LATS2: variants seen among roughly 807,000 people sequenced by gnomAD.
The protein encoded by LATS2 is serine/threonine-protein kinase LATS2.
LATS2 carries 24 observed loss-of-function variants against 76.0 expected under a neutral mutation model. The ratio of observed to expected loss-of-function variants is 0.32; its 90% confidence interval spans 0.23 to 0.44. The LOEUF is 0.44. Ranked by LOEUF, LATS2 falls within the 20% of genes least tolerant of loss-of-function variation. LATS2 has a pLI of 1.00. For synonymous variants in LATS2, 692 were observed against 635.4 expected, an observed-to-expected ratio of 1.09 and a Z score of -1.34; for missense variants, 1,286 against 1,481.2, an observed-to-expected ratio of 0.87 and a Z score of 2.16.
intron 1 of LATS2, among the ~76,000 whole-genome samples, chr13:21,047,976 CAATAT>C (rs1043105564): frequency 6.6e-6 from 1 of 152,118 alleles, no homozygotes; most frequent in African/African-American, 2.4e-5. Flanking sequence ...TTTTAATACA[CAATAT>C]AATATAGTAA....
rs1870300202 is a variant in LATS2, at chr13:20,988,467, G to A, written c.1313C>T (p.Ala438Val). 1 of 1,535,852 alleles carries A rather than the reference G, an allele frequency of 6.5e-7. No individual in the cohort carries two copies. The highest frequency in any genetic ancestry group is 1.2e-5 in the South Asian group (1 of 84,252). Reference sequence around the variant, plus strand: ...GCTCTTCACCGGGTGCAAGATGTGCGCGGCCGTGACAGCCGTCACGGTGTT... The same window carrying A: ...GCTCTTCACCGGGTGCAAGATGTGCACGGCCGTGACAGCCGTCACGGTGTT... ...APNTVTAVTA[A>V]HILHPVKSVR... The change falls in exon 4 of 8, where the codon GCG becomes GTG. Residue 438 changes from alanine (A) to valine (V), a missense_variant. Ala to Val is a moderately conservative substitution (Grantham distance 64, BLOSUM62 0). Coordinates refer to ENST00000382592, the MANE Select transcript of LATS2 (RefSeq NM_014572.3).
intron 1 of LATS2, among the ~76,000 whole-genome samples, chr13:21,060,795 T>G (rs2138424875): frequency 6.6e-6 from 1 of 151,038 alleles, no homozygotes; most frequent in East Asian, 2.0e-4. Flanking sequence ...GATTGGCCCG[T>G]GGGACGATGG....
chr13:21,013,920 A>C (rs1871694958), intron 2 of LATS2, among the ~76,000 whole-genome samples: 1 of 152,010 alleles, frequency 6.6e-6, no homozygotes, highest in Non-Finnish European at 1.5e-5. Flanking sequence ...GCAGTGAGCT[A>C]TGATTGCACC....
intron 2 of LATS2, among the ~76,000 whole-genome samples, chr13:21,036,630 C>T (rs975608885): frequency 3.1e-4 from 47 of 151,834 alleles, no homozygotes; most frequent in African/African-American, 8.9e-4. Context: ...AAAATTAGCC[C>T]GGCATGGTGG....
chr13:21,050,322 A>G (rs544395911), intron 1 of LATS2, among the ~76,000 whole-genome samples: 101 of 151,990 alleles, frequency 6.6e-4, no homozygotes, highest in African/African-American at 2.1e-3. Flanking sequence ...TCTTGTAAAT[A>G]GCATCCAAAT....
intron 6 of LATS2, among the ~76,000 whole-genome samples, chr13:20,980,438 C>T (rs1170695982): frequency 2.6e-5 from 4 of 152,182 alleles, no homozygotes; most frequent in South Asian, 2.1e-4. Context: ...AAGCCAGGAT[C>T]GTCTTCATGT....
intron 2 of LATS2, among the ~76,000 whole-genome samples, chr13:21,042,003 A>G (rs1293189748): frequency 1.3e-5 from 2 of 152,208 alleles, no homozygotes; most frequent in African/African-American, 4.8e-5. Context: ...TTTAAATGCA[A>G]ACTTAAATGA....
At chr13:20,984,712 G>A (rs1044253167) in intron 4 of LATS2, among the ~76,000 whole-genome samples, 2 of 152,104 alleles carry the variant, frequency 1.3e-5, no homozygotes, top group African/African-American at 2.4e-5. Context: ...CATGTTCACC[G>A]ACAGAAAGAT....
chr13:21,036,559 G>C (rs985220398), intron 2 of LATS2, among the ~76,000 whole-genome samples: 5 of 152,092 alleles, frequency 3.3e-5, no homozygotes, highest in Admixed American at 3.3e-4. Context: ...CAGATCACGA[G>C]GTCAGGAGTT....
At chr13:20,979,442 G>C (rs919601312) in intron 7 of LATS2, among the ~76,000 whole-genome samples, 1 of 152,104 alleles carries the variant, frequency 6.6e-6, no homozygotes, top group Non-Finnish European at 1.5e-5. Context: ...CAAGGTGGCA[G>C]ATGGCCAAGG....
intron 2 of LATS2, among the ~76,000 whole-genome samples, chr13:21,026,742 GC>G (rs1872324385): frequency 6.6e-6 from 1 of 152,154 alleles, no homozygotes; most frequent in African/African-American, 2.4e-5. Flanking sequence ...GATTGTTTGA[GC>G]CCAGGAGATG....
intron 2 of LATS2, among the ~76,000 whole-genome samples, chr13:21,008,286 C>T (rs1276317555): frequency 1.3e-5 from 2 of 152,000 alleles, no homozygotes; most frequent in African/African-American, 2.4e-5. Flanking sequence ...CCCCTGCTCT[C>T]ACAGGACCTC....
intron 2 of LATS2, among the ~76,000 whole-genome samples, chr13:21,027,433 T>C (rs1361692330): frequency 6.6e-6 from 1 of 152,232 alleles, no homozygotes; most frequent in African/African-American, 2.4e-5. Context: ...GACTATCCAA[T>C]TGTCTCAGCA....
At chr13:21,033,380 G>A (rs1048172904) in intron 2 of LATS2, among the ~76,000 whole-genome samples, 2 of 151,984 alleles carry the variant, frequency 1.3e-5, no homozygotes, top group Non-Finnish European at 2.9e-5. Flanking sequence ...CTGCTGACTT[G>A]GTTTCTCTTT....
chr13:20,983,976 G>A (rs1870028658), intron 4 of LATS2, among the ~76,000 whole-genome samples, 170 bp from the exon 5 acceptor site: 1 of 152,204 alleles, frequency 6.6e-6, no homozygotes, highest in South Asian at 2.1e-4. Context: ...TGTCGCCTAG[G>A]CTGGAGTGCA....
At chr13:21,015,995 G>C (rs1204391181) in intron 2 of LATS2, among the ~76,000 whole-genome samples, 1 of 144,612 alleles carries the variant, frequency 6.9e-6, no homozygotes, top group Non-Finnish European at 1.5e-5. Flanking sequence ...CACCACGCTT[G>C]GCCTATTTTT....
intron 2 of LATS2, among the ~76,000 whole-genome samples, chr13:20,993,978 T>C (rs1371815146): frequency 2.6e-5 from 4 of 152,224 alleles, no homozygotes; most frequent in Non-Finnish European, 4.4e-5. Context: ...CTCTGTCTCC[T>C]GCAGGGTGAA....
intron 6 of LATS2, among the ~76,000 whole-genome samples, chr13:20,980,250 A>C (rs1869810319): frequency 6.6e-6 from 1 of 151,784 alleles, no homozygotes; most frequent in African/African-American, 2.4e-5. Context: ...GGTGGGCAAA[A>C]CCCACCGGAC....
Position 21,002,766 on chromosome 13 carries a change from C to A in LATS2, c.343-11362G>T, listed in dbSNP as rs535475110. On this transcript the variant is annotated intron_variant, in intron 2 of 7. Transcript: ENST00000382592. ...GAAGTACAGTGGTGCAATCAAAGCTCACTCCAGCCTCTAACTCCTGGGCTC... is the reference window on the plus strand; with the variant it reads ...GAAGTACAGTGGTGCAATCAAAGCTAACTCCAGCCTCTAACTCCTGGGCTC... 5.9e-5 allele frequency among the ~76,000 whole-genome samples: 9 copies of A among 152,258 alleles called. No homozygotes were observed. In the East Asian group the frequency reaches 1.7e-3, roughly 29 times the overall value.
Sources: allele counts gnomAD v4.1 joint callset (sites outside exome capture counted in the v4.1 genomes callset), GRCh38; gene constraint gnomAD v4.1.1; transcripts MANE v1.5; gene names NCBI Gene and HGNC (gene_info 2026-07-23, HGNC 2026-07-21).